TDP1: variants seen among roughly 807,000 people sequenced by gnomAD.
The protein encoded by TDP1 is tyrosyl-DNA phosphodiesterase 1.
TDP1 carries 64 observed loss-of-function variants against 81.5 expected under a neutral mutation model. That is an observed-to-expected ratio of 0.79 (90% confidence interval 0.64 to 0.97). The LOEUF is 0.97. Among genes scored for constraint, TDP1 ranks in the 50% least tolerant of loss-of-function variants. The probability of loss-of-function intolerance (pLI) is 0.00; values close to 1 mark genes in which losing one functional copy is unlikely to be tolerated. For synonymous variants in TDP1, 256 were observed against 264.3 expected (o/e 0.97, Z 0.30); for missense variants, 723 against 743.8 (o/e 0.97, Z 0.33).
rs1895975350 is a variant in TDP1 at position 89,989,710 on chromosome 14, T to C, written c.1318-7T>C. 6.2e-7 allele frequency: 1 copy of C among 1,605,552 alleles called. No individual in the cohort carries two copies. Among genetic ancestry groups the C allele is most frequent in the African/African-American group, 1.3e-5 (1 of 74,708 alleles). ...TCCGAGTTTTATTGTTTTCCTCTTATTTTTAGATCTATCCTTCTGTGGAAA... is the reference window on the plus strand; with the variant it reads ...TCCGAGTTTTATTGTTTTCCTCTTACTTTTAGATCTATCCTTCTGTGGAAA... On this transcript the variant is annotated splice_polypyrimidine_tract_variant and splice_region_variant and intron_variant, in intron 11 of 16. Coordinates refer to ENST00000335725, the MANE Select transcript of TDP1 (RefSeq NM_018319.4).
At chr14:89,959,390 G>C (rs1414194162) in intron 2 of TDP1, among the ~76,000 whole-genome samples, 1 of 152,222 alleles carries the variant, frequency 6.6e-6, no homozygotes, top group Non-Finnish European at 1.5e-5. Flanking sequence ...TTCTGTTACT[G>C]GTGACCAGTT....
rs1895866820 is a variant in TDP1, at chr14:89,988,930, T to C, written c.1157T>C (p.Met386Thr). The C allele has an allele frequency of 6.2e-7, 1 of 1,614,198 alleles. No individual in the cohort carries two copies. Among genetic ancestry groups the C allele is most frequent in the Non-Finnish European group, 8.5e-7 (1 of 1,180,016 alleles). Residue 386 changes from methionine (M) to threonine (T), a missense_variant, in exon 11 of 17, where the codon ATG becomes ACG. By Grantham distance (81) the Met-to-Thr change is moderately conservative. Coordinates refer to ENST00000335725, the MANE Select transcript of TDP1 (RefSeq NM_018319.4). ...CTTCTGAAAGACCATGCCTCATCCA[T>C]GCCTAACGCAGAGTCCTGGCCTGTC... ...KKLLKDHASS[M>T]PNAESWPVVG...
chr14:89,997,610 G>A (rs186781683), intron 14 of TDP1, among the ~76,000 whole-genome samples: 4 of 152,230 alleles, frequency 2.6e-5, no homozygotes, highest in East Asian at 1.9e-4. Context: ...AATCCTTTGC[G>A]ACTTCCAGAG....
chr14:89,975,581 G>GTTTTTTTT, intron 6 of TDP1, 200 bp from the exon 7 acceptor site: 1 of 267,858 alleles, frequency 3.7e-6, no homozygotes, highest in Non-Finnish European at 5.0e-6. Context: ...CAAAATTTGT[G>GTTTTTTTT]TTTTTTTTTT....
At chr14:90,007,306 G>A (rs568772776) in intron 14 of TDP1, among the ~76,000 whole-genome samples, 25 of 152,128 alleles carry the variant, frequency 1.6e-4, no homozygotes, top group African/African-American at 2.2e-4. Context: ...TTGGCCGGAC[G>A]CGGTGGCTCA....
intron 14 of TDP1, among the ~76,000 whole-genome samples, chr14:90,004,654 A>T (rs1322475099): frequency 6.6e-6 from 1 of 152,178 alleles, no homozygotes; most frequent in African/African-American, 2.4e-5. Flanking sequence ...GTTATAGATG[A>T]TGGACAAGAC....
intron 14 of TDP1, among the ~76,000 whole-genome samples, chr14:90,000,045 T>C (rs1297051769): frequency 6.6e-6 from 1 of 152,182 alleles, no homozygotes; most frequent in African/African-American, 2.4e-5. Flanking sequence ...TGTGCTCTCA[T>C]CTGAAGCTTG....
intron 8 of TDP1, among the ~76,000 whole-genome samples, chr14:89,983,738 T>A (rs998387839): frequency 1.3e-5 from 2 of 152,182 alleles, no homozygotes; most frequent in Admixed American, 1.3e-4. Context: ...TGTGGAGCAG[T>A]TTATAGAAGG....
chr14:89,972,635 C>T (rs950220328), intron 6 of TDP1, among the ~76,000 whole-genome samples: 3 of 152,064 alleles, frequency 2.0e-5, no homozygotes, highest in African/African-American at 7.2e-5. Context: ...TTACACGTGG[C>T]GCATTTTGAG....
chr14:89,971,368 CTCCAGCA>C (rs1893638094), intron 6 of TDP1, 97 bp downstream of exon 6: 1 of 873,426 alleles, frequency 1.1e-6, no homozygotes, highest in Admixed American at 1.9e-5. Flanking sequence ...GAAATCCTCT[CTCCAGCA>C]TCAGTCATCA....
intron 16 of TDP1, among the ~76,000 whole-genome samples, chr14:90,036,924 C>A (rs916622394): frequency 6.6e-6 from 1 of 152,060 alleles, no homozygotes; most frequent in South Asian, 2.1e-4. Context: ...ATACTCCCAC[C>A]TCAGCCTCCT....
intron 16 of TDP1, among the ~76,000 whole-genome samples, chr14:90,041,222 G>A (rs1318356658): frequency 6.6e-6 from 1 of 152,208 alleles, no homozygotes; most frequent in Non-Finnish European, 1.5e-5. Flanking sequence ...TCCAGTGGAA[G>A]AGAGCAAGGG....
intron 9 of TDP1, 139 bp downstream of exon 9, chr14:89,984,822 G>A: frequency 6.4e-7 from 1 of 1,570,386 alleles, no homozygotes; most frequent in Non-Finnish European, 8.6e-7. Flanking sequence ...GGGATGAGCA[G>A]ATTCTATCAC....
intron 16 of TDP1, among the ~76,000 whole-genome samples, chr14:90,034,595 G>A (rs1887637581): frequency 6.6e-6 from 1 of 152,142 alleles, no homozygotes; most frequent in East Asian, 1.9e-4. Flanking sequence ...TCCACACTTA[G>A]CAAACTCAGA....
intron 4 of TDP1, chr14:89,966,936 A>C: frequency 1.0e-6 from 1 of 974,222 alleles, no homozygotes; most frequent in Non-Finnish European, 1.2e-6. Flanking sequence ...CTAGCTAATA[A>C]GTTAGCCTGA....
intron 7 of TDP1, among the ~76,000 whole-genome samples, chr14:89,977,377 A>G (rs1167008707): frequency 6.6e-6 from 1 of 152,068 alleles, no homozygotes; most frequent in Non-Finnish European, 1.5e-5. Flanking sequence ...AGCTCGTTAC[A>G]ACCTCCGCCT....
chr14:89,976,222 C>G (rs1258129193), intron 7 of TDP1, among the ~76,000 whole-genome samples: 3 of 152,032 alleles, frequency 2.0e-5, no homozygotes, highest in Non-Finnish European at 4.4e-5. Flanking sequence ...CCTCCCACCT[C>G]AGCCTCCCGA....
intron 2 of TDP1, among the ~76,000 whole-genome samples, chr14:89,962,457 C>T (rs1357122593): frequency 1.3e-5 from 2 of 152,058 alleles, no homozygotes; most frequent in African/African-American, 2.4e-5. Flanking sequence ...GACCTTAATC[C>T]CAAACGCTTA....
intron 7 of TDP1, among the ~76,000 whole-genome samples, chr14:89,979,982 G>A (rs1487441679): frequency 6.6e-6 from 1 of 152,006 alleles, no homozygotes; most frequent in East Asian, 1.9e-4. Flanking sequence ...AACCACTAAT[G>A]GTAATGAAGC....
Sources: allele counts gnomAD v4.1 joint callset (sites outside exome capture counted in the v4.1 genomes callset), GRCh38; gene constraint gnomAD v4.1.1; transcripts MANE v1.5; gene names NCBI Gene and HGNC (gene_info 2026-07-23, HGNC 2026-07-21).